NKIRAS1: variants seen among roughly 807,000 people sequenced by gnomAD.
NKIRAS1 encodes NF-kappa-B inhibitor-interacting Ras-like protein 1.
A neutral mutation model predicts 19.8 loss-of-function variants in NKIRAS1; 16 were observed. The observed-to-expected ratio is 0.81, with a 90% CI of 0.55 to 1.23. The LOEUF is 1.23. NKIRAS1 is among the 50% of genes most tolerant of loss of function. The pLI, the probability that NKIRAS1 is intolerant of heterozygous loss-of-function variation, is 0.00. For synonymous variants in NKIRAS1, 88 were observed against 79.0 expected, an observed-to-expected ratio of 1.11 and a Z score of -0.61; for missense variants, 184 against 220.0, an observed-to-expected ratio of 0.84 and a Z score of 1.04.
rs1025218353 is a variant in NKIRAS1, at chr3:23,927,970, G to A, written c.-139-16520C>T. On this transcript the variant is annotated intron_variant, in intron 1 of 4. Transcript: ENST00000421515. The surrounding 1 kb of genome is among the most constrained non-coding windows in gnomAD (Gnocchi z 4.0). ...GGTGCATGCCAGTAGTACCAGATATGCAGGAGGCTGAGGTGGAAGAATTGC... is the reference window on the plus strand; with the variant it reads ...GGTGCATGCCAGTAGTACCAGATATACAGGAGGCTGAGGTGGAAGAATTGC... 1.3e-5 allele frequency among the ~76,000 whole-genome samples: 2 copies of A among 151,948 alleles called. No individual in the cohort carries two copies. Among genetic ancestry groups the A allele is most frequent in the African/African-American group, 4.8e-5 (2 of 41,352 alleles).
Position 23,890,836 on chromosome 3 carries a change from A to G in NKIRAS1, c.*2259T>C. The G allele has an allele frequency of 7.6e-6, 3 of 397,198 alleles. No homozygotes were observed. The highest frequency in any genetic ancestry group is 5.5e-5 in the South Asian group (1 of 18,150). The allele number at this position is 397,198 out of a possible 1,614,324, so 24.6% of individuals were successfully genotyped here. A position where few individuals can be genotyped will look rare whatever the true frequency, so the allele number is the denominator to read the frequency against. On this transcript the variant is annotated 3_prime_UTR_variant, in exon 5 of 5. Transcript: ENST00000425478. ...GTCATTAGTTCTGCAATATTAGCTG[A>G]AATGTAGTACAGAAAAGAATGTACA...
At chr3:23,945,393 C>G (rs567334699) in intron 1 of NKIRAS1, 2,180 of 183,820 alleles carry the variant, frequency 0.012, 21 homozygotes, top group Middle Eastern at 0.025. Flanking sequence ...CGCCGCCACC[C>G]TCTCTCGCTG....
At chr3:23,936,363 G>C (rs1302115622) in intron 1 of NKIRAS1, among the ~76,000 whole-genome samples, 1 of 152,074 alleles carries the variant, frequency 6.6e-6, no homozygotes, top group African/African-American at 2.4e-5. Context: ...TAGTCACATT[G>C]GCCTGTAAGC....
intron 1 of NKIRAS1, chr3:23,923,521 A>T (rs1705152427): frequency 6.6e-6 from 1 of 152,158 alleles, no homozygotes; most frequent in Non-Finnish European, 1.5e-5. Flanking sequence ...GCCCGGCTGG[A>T]ACTTCATTCT....
At chr3:23,916,044 A>G (rs1704351748) in intron 1 of NKIRAS1, 1 of 152,164 alleles carries the variant, frequency 6.6e-6, no homozygotes, top group Non-Finnish European at 1.5e-5. Context: ...CATATTAGAC[A>G]CTTAATAAAT....
At chr3:23,894,159 A>G (rs1306692944) in intron 4 of NKIRAS1, among the ~76,000 whole-genome samples, 1 of 152,260 alleles carries the variant, frequency 6.6e-6, no homozygotes, top group Non-Finnish European at 1.5e-5. Flanking sequence ...TGCTTACTAT[A>G]CACCAGACAC....
At position 23,932,637 on chromosome 3, in the gene NKIRAS1, G is replaced by A. The variant is rs561217343; in HGVS notation, c.-140+13686C>T. Among the ~76,000 whole-genome samples the A allele has an allele frequency of 4.7e-4, 70 of 149,048 alleles. 1 individual carries two copies. The South Asian group carries it at 9.3e-3, about 20-fold the overall frequency. ...CAGGAGGTGGAGGTTGTGGTGAGCC[G>A]AGATGGCGCCATTGCACTACAGCCT... On this transcript the variant is annotated intron_variant, in intron 1 of 4. Transcript: ENST00000421515.
intron 1 of NKIRAS1, among the ~76,000 whole-genome samples, chr3:23,941,059 C>G (rs556309428): frequency 1.3e-5 from 2 of 152,272 alleles, no homozygotes; most frequent in African/African-American, 4.8e-5. Flanking sequence ...GTGCAGAGTT[C>G]TGAGATCAAA....
At position 23,892,137 on chromosome 3, in the gene NKIRAS1, G is replaced by T. The variant is rs546121429; in HGVS notation, c.*958C>A. On this transcript the variant is annotated 3_prime_UTR_variant, in exon 5 of 5. Coordinates refer to ENST00000425478, the MANE Select transcript of NKIRAS1 (RefSeq NM_020345.4). ...CTTATTTTACATTTCAGTCAAAATA[G>T]TTATTTCACAGGTGAAACCACTAAG... 6.6e-6 allele frequency: 1 copy of T among 152,112 alleles called. No individual in the cohort carries two copies. The highest frequency in any genetic ancestry group is 1.5e-5 in the Non-Finnish European group (1 of 68,018). 9.4% of individuals were successfully genotyped at this position (152,112 alleles called of 1,614,324 possible). A position where few individuals can be genotyped will look rare whatever the true frequency, so the allele number is the denominator to read the frequency against.
chr3:23,934,728 C>A (rs1305227130), intron 1 of NKIRAS1, among the ~76,000 whole-genome samples: 1 of 152,110 alleles, frequency 6.6e-6, no homozygotes, highest in African/African-American at 2.4e-5. Flanking sequence ...TTAACACTAA[C>A]CACAATGGTG....
intron 1 of NKIRAS1, chr3:23,916,335 G>A (rs917063640): frequency 2.6e-5 from 4 of 152,034 alleles, no homozygotes; most frequent in African/African-American, 7.2e-5. Flanking sequence ...AACGCAAAAT[G>A]CCAGCATTTT....
intron 1 of NKIRAS1, among the ~76,000 whole-genome samples, chr3:23,931,711 GGA>G (rs72076467): frequency 5.2e-4 from 25 of 48,392 alleles, no homozygotes; most frequent in South Asian, 3.5e-3. Context: ...TGGAAAGGAA[GGA>G]GAGAGAGAGA....
intron 3 of NKIRAS1, 25 bp from the exon 4 acceptor site, chr3:23,901,074 C>T (rs1238136897): frequency 6.2e-7 from 1 of 1,610,578 alleles, no homozygotes; most frequent in South Asian, 1.1e-5. Flanking sequence ...ACAAATTACT[C>T]TTTTTGGCTA....
upstream of NKIRAS1, chr3:23,919,760 A>G: frequency 8.4e-7 from 1 of 1,194,136 alleles, no homozygotes; most frequent in Non-Finnish European, 1.0e-6. Flanking sequence ...GTGTGGTATA[A>G]CAGGCTTAAT....
chr3:23,919,106 G>C (rs529958477), upstream of NKIRAS1: 25 of 840,328 alleles, frequency 3.0e-5, no homozygotes, highest in East Asian at 6.1e-4. Context: ...CTTGTCTGGT[G>C]GTGAACTAGA....
At chr3:23,925,315 T>C (rs1705194709) in intron 1 of NKIRAS1, among the ~76,000 whole-genome samples, 1 of 152,162 alleles carries the variant, frequency 6.6e-6, no homozygotes, top group Non-Finnish European at 1.5e-5. Flanking sequence ...TGCTTAGCAT[T>C]GCCAGAATAT....
chr3:23,921,667 C>T (rs372796476), upstream of NKIRAS1: 25 of 679,618 alleles, frequency 3.7e-5, no homozygotes, highest in Admixed American at 2.7e-4. Context: ...CTCTGTCTCC[C>T]GGGTTTGAGC....
In NKIRAS1 at chr3:23,892,734, G is replaced by T. The variant is rs79968770; in HGVS notation, c.*361C>A. ...TTAGAAGTTTGCATAATGTTACACA[G>T]AATGATTATGATATCTTCCGAAACA... On this transcript the variant is annotated 3_prime_UTR_variant, in exon 5 of 5. Transcript: ENST00000425478. 43 of 159,684 alleles carry T rather than the reference G, an allele frequency of 2.7e-4. No homozygotes were observed. In the East Asian group the frequency reaches 5.2e-3, roughly 19 times the overall value. The allele number at this position is 159,684 out of a possible 1,614,324, so 9.9% of individuals were successfully genotyped here.
At chr3:23,894,018 C>A (rs999867834) in intron 4 of NKIRAS1, among the ~76,000 whole-genome samples, 2 of 152,034 alleles carry the variant, frequency 1.3e-5, no homozygotes, top group Non-Finnish European at 2.9e-5. Flanking sequence ...TGTGGGAGTT[C>A]TGTATCCATG....
Sources: gnomAD v4.1 joint callset for allele counts (sites outside exome capture counted in the v4.1 genomes callset) on GRCh38, gnomAD v4.1.1 for gene constraint, Gnocchi (gnomAD v3.1) non-coding constraint, MANE v1.5 for transcripts, NCBI Gene and HGNC (gene_info 2026-07-23, HGNC 2026-07-21) for gene names.